Variants in PDE4C observed in about 807,000 individuals in gnomAD.
The protein encoded by PDE4C is 3',5'-cyclic-AMP phosphodiesterase 4C.
In PDE4C, 50 loss-of-function variants were observed where a neutral mutation model predicts 63.9. The ratio of observed to expected loss-of-function variants is 0.78; its 90% CI spans 0.62 to 0.99. The LOEUF (loss-of-function observed/expected upper bound fraction) is 0.99. Ranked by LOEUF, PDE4C falls within the 50% of genes least tolerant of loss-of-function variation. PDE4C has a pLI of 0.00. For missense variants in PDE4C, 777 were observed against 899.1 expected, an observed-to-expected ratio of 0.86 and a Z score of 1.74; for synonymous variants, 377 against 385.1, an observed-to-expected ratio of 0.98 and a Z score of 0.25.
chr19:18,241,057 G>A (rs1380310233), intron 1 of PDE4C, among the ~76,000 whole-genome samples: 5 of 151,908 alleles, frequency 3.3e-5, no homozygotes, highest in East Asian at 3.9e-4. Context: ...TTTCCCAGGG[G>A]CACCTGAAAT....
intron 1 of PDE4C, among the ~76,000 whole-genome samples, chr19:18,239,578 A>C (rs1349582491): frequency 6.6e-6 from 1 of 152,176 alleles, no homozygotes; most frequent in Non-Finnish European, 1.5e-5. Flanking sequence ...AGAATGGGGC[A>C]CAAAACTGGA....
intron 7 of PDE4C, chr19:18,219,764 C>T (rs1968377216): frequency 4.3e-6 from 1 of 232,298 alleles, no homozygotes; most frequent in Non-Finnish European, 8.5e-6. Flanking sequence ...GCGGAGGTTG[C>T]AGTGGCTGAG....
At chr19:18,233,789 G>A, upstream of PDE4C, 1 of 313,700 alleles carries the variant, frequency 3.2e-6, no homozygotes, top group Non-Finnish European at 6.3e-6. Context: ...CCGCCCAGGA[G>A]GTGCTGAAAC....
At chr19:18,245,867 G>A (rs563659691) in intron 1 of PDE4C, among the ~76,000 whole-genome samples, 35 of 151,890 alleles carry the variant, frequency 2.3e-4, no homozygotes, top group African/African-American at 6.0e-4. Context: ...TTTTTGAGAC[G>A]GAGTCTCGCT....
intron 1 of PDE4C, among the ~76,000 whole-genome samples, chr19:18,223,092 T>C (rs1012984215): frequency 2.0e-5 from 3 of 151,838 alleles, no homozygotes; most frequent in Non-Finnish European, 4.4e-5. Context: ...CATGCTGGAG[T>C]GCAGTGGGGG....
intron 1 of PDE4C, among the ~76,000 whole-genome samples, chr19:18,241,562 C>A: frequency 6.7e-6 from 1 of 149,506 alleles, no homozygotes; most frequent in South Asian, 2.1e-4. Flanking sequence ...CCACCGCGCC[C>A]GGCCAAGACA....
At chr19:18,234,277 G>A (rs1968911061), upstream of PDE4C, 1 of 152,248 alleles carries the variant, frequency 6.6e-6, no homozygotes, top group Non-Finnish European at 1.5e-5. Context: ...TGCTTTTAAA[G>A]CCACACCAAC....
chr19:18,254,259 G>A, the PDE4C span, among the ~76,000 whole-genome samples: 1 of 152,176 alleles, frequency 6.6e-6, no homozygotes, highest in Admixed American at 6.5e-5. Flanking sequence ...TGATTCAGAG[G>A]CCAGAGTGGA....
chr19:18,213,319 T>C (rs778577958), intron 13 of PDE4C, 49 bp downstream of exon 13: 33 of 1,504,656 alleles, frequency 2.2e-5, no homozygotes, highest in Non-Finnish European at 2.9e-5. Flanking sequence ...ATAAATAAAG[T>C]AAAACCAAAA....
chr19:18,214,194 C>G (rs566373633), intron 12 of PDE4C, among the ~76,000 whole-genome samples: 110 of 151,216 alleles, frequency 7.3e-4, no homozygotes, highest in Non-Finnish European at 1.4e-3. Flanking sequence ...AGAGGCGGAG[C>G]TTGCAGGGAG....
At chr19:18,224,210 C>T (rs1968620246) in intron 1 of PDE4C, 1 of 985,380 alleles carries the variant, frequency 1.0e-6, no homozygotes, top group Non-Finnish European at 1.2e-6. Flanking sequence ...AGGGCAAGAA[C>T]TGGGGCGCTA....
chr19:18,219,916 C>T (rs1968384123), intron 7 of PDE4C, among the ~76,000 whole-genome samples: 1 of 152,118 alleles, frequency 6.6e-6, no homozygotes, highest in South Asian at 2.1e-4. Context: ...TAGGCTTGGC[C>T]CCTGGGTGCC....
At chr19:18,233,067 A>G (rs1051800846) in exon 1 of PDE4C, 1 of 1,571,026 alleles carries the variant, frequency 6.4e-7, no homozygotes, top group Non-Finnish European at 8.6e-7. Context: ...GCGCTGTTGG[A>G]TGCGGATGGG....
rs567503486 is a variant in PDE4C at position 18,211,882 on chromosome 19, C to G, written c.1572G>C (p.Leu524=). ...TGATGCGGTCCGTCCACTGGCGGTA[C>G]AGGGGCAGCGGCTTGGTGGGGTTGC... Residue 524 remains leucine (L), a synonymous_variant, in exon 14 of 15, where the codon CTG becomes CTC. Transcript: ENST00000262805. 3 of 1,614,224 alleles carry G rather than the reference C, an allele frequency of 1.9e-6. No individual in the cohort carries two copies. In the South Asian group the frequency reaches 3.3e-5, roughly 18 times the overall value.
intron 1 of PDE4C, among the ~76,000 whole-genome samples, chr19:18,246,926 A>G (rs927644018): frequency 2.0e-5 from 3 of 152,166 alleles, no homozygotes; most frequent in African/African-American, 7.2e-5. Flanking sequence ...GACCCTGTCT[A>G]AAAAACAAAA....
upstream of PDE4C, among the ~76,000 whole-genome samples, chr19:18,235,396 C>G (rs1968934001): frequency 6.6e-6 from 1 of 152,200 alleles, no homozygotes; most frequent in Non-Finnish European, 1.5e-5. Flanking sequence ...GACTCGATCT[C>G]CTGACCTCAG....
intron 8 of PDE4C, 30 bp from the exon 9 acceptor site, chr19:18,219,068 AC>A: frequency 6.3e-7 from 1 of 1,591,668 alleles, no homozygotes. Context: ...AGCTTAATTA[AC>A]CCCAGCCCAA....
chr19:18,246,587 G>A (rs1969139036), intron 1 of PDE4C, among the ~76,000 whole-genome samples: 1 of 152,052 alleles, frequency 6.6e-6, no homozygotes, highest in Non-Finnish European at 1.5e-5. Context: ...CTCACCCTGA[G>A]CACCCTCATT....
rs552743066 is a variant in PDE4C, at chr19:18,214,896, C to G, written c.1390-1406G>C. Among the ~76,000 whole-genome samples, 3 of 149,920 alleles carry G rather than the reference C, an allele frequency of 2.0e-5. No homozygotes were observed. The South Asian group carries it at 6.3e-4, about 32-fold the overall frequency. On this transcript the variant is annotated intron_variant, in intron 12 of 14. Coordinates refer to ENST00000262805, the Ensembl canonical transcript of PDE4C. ...CCCAGGAGGTGGAGGTTGCAGTGAGCCAGGATCACACCATTGCACTCCAGC... is the reference window on the plus strand; with the variant it reads ...CCCAGGAGGTGGAGGTTGCAGTGAGGCAGGATCACACCATTGCACTCCAGC...
Sources: allele counts gnomAD v4.1 joint callset (sites outside exome capture counted in the v4.1 genomes callset), GRCh38; gene constraint gnomAD v4.1.1; transcripts MANE v1.5; gene names NCBI Gene and HGNC (gene_info 2026-07-23, HGNC 2026-07-21).